The following SYNE2 variants were observed in gnomAD, a reference collection of about 807,000 sequenced individuals.
SYNE2 encodes the protein nesprin-2.
Under a neutral mutation model 856.3 loss-of-function variants are expected in SYNE2, and 431 were observed. The ratio of observed to expected loss-of-function variants is 0.50; its 90% CI spans 0.47 to 0.55. The LOEUF (loss-of-function observed/expected upper bound fraction) is 0.55, where lower values mean the gene tolerates loss of function less well. Among genes scored for constraint, SYNE2 ranks in the 20% least tolerant of loss-of-function variants. The probability of loss-of-function intolerance (pLI) is 0.00; values close to 1 mark genes in which losing one functional copy is unlikely to be tolerated. For missense variants in SYNE2, 8,129 were observed against 8,023.2 expected (o/e 1.01, Z -0.50); for synonymous variants, 2,923 against 2,872.3 (o/e 1.02, Z -0.56).
At chr14:64,152,120 A>G (rs2098249226) in intron 84 of SYNE2, among the ~76,000 whole-genome samples, 1 of 152,234 alleles carries the variant, frequency 6.6e-6, no homozygotes, top group Admixed American at 6.5e-5. Flanking sequence ...CAACAGTTAT[A>G]TCGTCTGTCA....
intron 11 of SYNE2, among the ~76,000 whole-genome samples, chr14:63,973,922 C>T (rs2096504571): frequency 6.6e-6 from 1 of 152,076 alleles, no homozygotes; most frequent in South Asian, 2.1e-4. Context: ...CTCTAATATA[C>T]AAATTTTTGC....
rs375572664 is a variant in SYNE2 at position 64,167,513 on chromosome 14, A to G, written c.16779A>G (p.Gly5593=). Residue 5593 remains glycine (G), a synonymous_variant, in exon 92 of 116, where the codon GGA becomes GGG. Transcript: ENST00000555002. ...LERCSELQGI[G]LNEKFLYCCE... ...TTTGTAGTGAGCTTCAGGGAATTGG[A>G]TTGAATGAAAAGTTTCTTTATTGCT... is the stretch of plus-strand genomic sequence containing the variant. 6.2e-7 allele frequency: 1 copy of G among 1,614,080 alleles called. No homozygotes were observed. Among genetic ancestry groups the G allele is most frequent in the African/African-American group, 1.3e-5 (1 of 74,926 alleles).
intron 32 of SYNE2, among the ~76,000 whole-genome samples, chr14:64,011,995 C>T (rs1425920092): frequency 1.3e-5 from 2 of 152,130 alleles, no homozygotes; most frequent in Admixed American, 6.6e-5. Context: ...TCCAGAGCCT[C>T]CCCAGAAAGT....
At chr14:63,865,524 A>C (rs1894958503) in intron 1 of SYNE2, among the ~76,000 whole-genome samples, 1 of 151,974 alleles carries the variant, frequency 6.6e-6, no homozygotes, top group South Asian at 2.1e-4. Flanking sequence ...AAGTAGCTGG[A>C]GGCTACTCCC....
At chr14:64,185,519 C>CTTTTTTTTT (rs66490444) in intron 96 of SYNE2, among the ~76,000 whole-genome samples, 3 of 77,470 alleles carry the variant, frequency 3.9e-5, no homozygotes, top group Non-Finnish European at 4.8e-5. Flanking sequence ...TTTTCTTTTT[C>CTTTTTTTTT]TTTTTTTTTT....
At chr14:63,936,085 C>T (rs145714252) in intron 2 of SYNE2, among the ~76,000 whole-genome samples, 3 of 152,164 alleles carry the variant, frequency 2.0e-5, no homozygotes, top group East Asian at 1.9e-4. Context: ...ATGTTGGCCA[C>T]GCTGGTCTCG....
Position 64,098,012 on chromosome 14 carries a change from G to A in SYNE2, c.12172G>A (p.Val4058Met), listed in dbSNP as rs1181123574. 6 of 1,614,110 alleles carry A rather than the reference G, an allele frequency of 3.7e-6. No individual in the cohort carries two copies. The African/African-American group carries it at 5.3e-5, about 14-fold the overall frequency. Residue 4058 changes from valine (V) to methionine (M), a missense_variant, in exon 62 of 116, where the codon GTG becomes ATG. Around this residue, in one of 3 missense-constraint regions of SYNE2, gnomAD observed 5,410 missense variants for 5,284.8 expected, o/e 1.02. Coordinates refer to ENST00000555002, the MANE Select transcript of SYNE2 (RefSeq NM_182914.3). ...SLNQRKEDLL[V>M]DLKATVLNLH... ...GAACCAGAGAAAAGAAGACCTGTTG[G>A]TGGACTTGAAGGCCACCGTACTAAA...
chr14:63,909,616 C>T (rs1439179427), intron 2 of SYNE2, among the ~76,000 whole-genome samples: 11 of 152,018 alleles, frequency 7.2e-5, no homozygotes, highest in Non-Finnish European at 1.2e-4. Context: ...CCGAGGCGGG[C>T]GGATCACCCA....
intron 47 of SYNE2, among the ~76,000 whole-genome samples, chr14:64,050,799 A>C (rs988572671): frequency 9.9e-5 from 15 of 152,112 alleles, no homozygotes; most frequent in Non-Finnish European, 1.8e-4. Flanking sequence ...CAGGTGGATC[A>C]CTTAAGGTCA....
chr14:63,945,887 C>A (rs536666770), intron 6 of SYNE2, among the ~76,000 whole-genome samples: 5 of 152,270 alleles, frequency 3.3e-5, no homozygotes. Context: ...CTGCTCAGAA[C>A]GTTCTTGTAT....
intron 114 of SYNE2, 141 bp downstream of exon 114, chr14:64,224,688 T>A: frequency 8.5e-6 from 8 of 940,950 alleles, no homozygotes; most frequent in Non-Finnish European, 1.2e-5. Flanking sequence ...AGGCTTACAG[T>A]CTGCCTCTAG....
At chr14:64,182,592 T>C (rs554387494) in intron 96 of SYNE2, among the ~76,000 whole-genome samples, 1 of 152,242 alleles carries the variant, frequency 6.6e-6, no homozygotes, top group East Asian at 1.9e-4. Context: ...GTGATGACTC[T>C]TAACGAGCAT....
intron 1 of SYNE2, among the ~76,000 whole-genome samples, chr14:63,775,731 G>T (rs1887084871): frequency 1.3e-5 from 2 of 152,260 alleles, no homozygotes; most frequent in South Asian, 4.2e-4. Flanking sequence ...ACAGGTGCGT[G>T]CCACCGCCCC....
intron 79 of SYNE2, among the ~76,000 whole-genome samples, chr14:64,139,345 A>G (rs918041393): frequency 6.6e-6 from 1 of 151,704 alleles, no homozygotes; most frequent in Non-Finnish European, 1.5e-5. Flanking sequence ...CTGTTCCTTC[A>G]TTGGGTATAC....
chr14:63,767,279 T>A (rs1311543119), intron 1 of SYNE2, among the ~76,000 whole-genome samples: 1 of 151,808 alleles, frequency 6.6e-6, no homozygotes, highest in African/African-American at 2.4e-5. Context: ...TTAATTTTTG[T>A]ATTTTTTTTT....
rs2098405282 is a variant in SYNE2 at position 64,170,445 on chromosome 14, C to G, written c.17218C>G (p.Leu5740Val). The change falls in exon 94 of 116, where the codon CTG (leucine) becomes GTG (valine). Residue 5740 changes from leucine to valine, a missense_variant. This residue lies in a region of SYNE2 where 5,410 missense variants were observed against 5,284.8 expected (regional missense o/e 1.02). Transcript: ENST00000555002. ...ERFSLYQTRS[L>V]IHELKNKEIH... ...CTTCAGCCTCTACCAAACCAGAAGT[C>G]TGATCCATGAGCTGAAGGTAGTGTA... 6.2e-7 allele frequency: 1 copy of G among 1,612,342 alleles called. No individual in the cohort carries two copies.
upstream of SYNE2, among the ~76,000 whole-genome samples, chr14:63,849,635 G>T (rs1050938917): frequency 6.6e-6 from 1 of 152,142 alleles, no homozygotes; most frequent in Non-Finnish European, 1.5e-5. Context: ...TGCCATCCTT[G>T]TTTAGGCACT....
At chr14:64,168,420 A>C (rs2098393748) in intron 92 of SYNE2, among the ~76,000 whole-genome samples, 1 of 152,224 alleles carries the variant, frequency 6.6e-6, no homozygotes, top group Non-Finnish European at 1.5e-5. Context: ...CTTCACTGCA[A>C]CTTTTTAATG....
chr14:64,021,938 T>C lies in SYNE2; in HGVS notation c.5434T>C (p.Ser1812Pro). Residue 1812 changes from serine (S) to proline (P), a missense_variant, in exon 37 of 116, where the codon TCT becomes CCT. Around this residue, in one of 3 missense-constraint regions of SYNE2, gnomAD observed 2,422 missense variants for 2,357.4 expected, o/e 1.03. Coordinates refer to ENST00000555002, the MANE Select transcript of SYNE2 (RefSeq NM_182914.3). ...NQIGCLTPEL[S>P]ELKKQYESVS... The stretch of plus-strand genomic sequence containing the variant: ...AATAGGTTGTCTGACTCCTGAACTC[T>C]CTGAATTGAAAAAGCAATATGAAAG... 2 of 1,613,950 alleles carry C rather than the reference T, an allele frequency of 1.2e-6. No homozygotes were observed. The highest frequency in any genetic ancestry group is 1.7e-6 in the Non-Finnish European group (2 of 1,179,906).
Sources: allele counts gnomAD v4.1 joint callset (sites outside exome capture counted in the v4.1 genomes callset), GRCh38; gene constraint gnomAD v4.1.1; regional missense constraint gnomAD v4.1.1; transcripts MANE v1.5; gene names NCBI Gene and HGNC (gene_info 2026-07-23, HGNC 2026-07-21).